CD81: variants seen among roughly 807,000 people sequenced by gnomAD.
CD81 encodes CD81 molecule.
Under a neutral mutation model 30.1 loss-of-function variants are expected in CD81, and 10 were observed. The observed-to-expected ratio is 0.33, with a 90% CI of 0.21 to 0.56. CD81 has a LOEUF of 0.56. Among genes scored for constraint, CD81 ranks in the 20% least tolerant of loss-of-function variants. The pLI is 0.89. For synonymous variants in CD81, 147 were observed against 126.4 expected, an observed-to-expected ratio of 1.16 and a Z score of -1.10; for missense variants, 263 against 308.7, an observed-to-expected ratio of 0.85 and a Z score of 1.11.
chr11:2,379,431 GT>G, intron 1 of CD81, among the ~76,000 whole-genome samples: 1 of 135,774 alleles, frequency 7.4e-6, no homozygotes, highest in African/African-American at 2.9e-5. Flanking sequence ...CTGAGGGAGA[GT>G]GTGGACCTGG....
intron 1 of CD81, among the ~76,000 whole-genome samples, chr11:2,387,072 G>C (rs1849811060): frequency 1.3e-5 from 2 of 152,260 alleles, no homozygotes; most frequent in Non-Finnish European, 1.5e-5. Context: ...TTTCTGTTAG[G>C]ACGGTATGCC....
At chr11:2,390,767 G>A (rs1285540873) in intron 2 of CD81, among the ~76,000 whole-genome samples, 7 of 152,182 alleles carry the variant, frequency 4.6e-5, no homozygotes, top group Admixed American at 2.0e-4. Context: ...CAGGGACTGT[G>A]TGGAGACCTT....
intron 3 of CD81, 28 bp downstream of exon 3, chr11:2,394,220 G>T: frequency 6.7e-7 from 1 of 1,483,496 alleles, no homozygotes; most frequent in Non-Finnish European, 9.4e-7. Flanking sequence ...GCCTGTGCCT[G>T]GGCCGGGGAG....
At chr11:2,396,586 G>T in intron 6 of CD81, 42 bp from the exon 7 acceptor site, 1 of 1,531,660 alleles carries the variant, frequency 6.5e-7, no homozygotes. Flanking sequence ...GCCGGGAGCC[G>T]AGGCCCGGTC....
In CD81 at chr11:2,394,983, C is replaced by T. The variant is rs776719514; in HGVS notation, c.291C>T (p.Cys97=). 5 of 1,612,800 alleles carry T rather than the reference C, an allele frequency of 3.1e-6. No homozygotes were observed. Among genetic ancestry groups the T allele is most frequent in the Non-Finnish European group, 3.4e-6 (4 of 1,179,984 alleles). ...SQCLLGTFFT[C]LVILFACEVA... is the part of the protein sequence containing the mutation. ...CTGCCCGGCTCCAGTTCTTCACCTG[C>T]CTGGTCATCCTGTTTGCCTGTGAGG... Residue 97 remains cysteine, a synonymous_variant, in exon 4 of 8, where the codon TGC becomes TGT. Transcript: ENST00000263645.
At chr11:2,384,970 A>C (rs2133447514) in intron 1 of CD81, among the ~76,000 whole-genome samples, 1 of 152,136 alleles carries the variant, frequency 6.6e-6, no homozygotes, top group African/African-American at 2.4e-5. Flanking sequence ...CTTTTAACTG[A>C]CATCGGGCTC....
chr11:2,393,668 C>T (rs1849943009), intron 2 of CD81: 1 of 570,334 alleles, frequency 1.8e-6, no homozygotes, highest in South Asian at 2.1e-5. Flanking sequence ...CAGTGGGGCC[C>T]ACCCTGTGCC....
rs566859282 is a variant in CD81 at position 2,396,928 on chromosome 11, G to A, written c.*62G>A. On this transcript the variant is annotated 3_prime_UTR_variant, in exon 8 of 8. Coordinates refer to ENST00000263645, the MANE Select transcript of CD81 (RefSeq NM_004356.4). ...CCCCCTAAGTGACCCGGACACTTCCGAGGGGGCCATCACCGCCTGTGTATA... is the reference window on the plus strand; with the variant it reads ...CCCCCTAAGTGACCCGGACACTTCCAAGGGGGCCATCACCGCCTGTGTATA... 3.2e-4 allele frequency: 472 copies of A among 1,477,420 alleles called. 3 individuals carry two copies. The South Asian group carries it at 4.4e-3, about 14-fold the overall frequency. The allele number at this position is 1,477,420 out of a possible 1,614,324, so 91.5% of individuals were successfully genotyped here. A position where few individuals can be genotyped will look rare whatever the true frequency, so the allele number is the denominator to read the frequency against.
Position 2,394,191 on chromosome 11 carries a change from C to T in CD81, c.278C>T (p.Thr93Met), listed in dbSNP as rs760727392. 14 of 1,604,750 alleles carry T rather than the reference C, an allele frequency of 8.7e-6. No individual in the cohort carries two copies. Among genetic ancestry groups the T allele is most frequent in the Admixed American group, 8.3e-5 (5 of 59,960 alleles). The change falls in exon 3 of 8, where the codon ACG becomes ATG. Residue 93 changes from threonine to methionine, a missense_variant and splice_region_variant. Thr to Met is a moderately conservative substitution (Grantham distance 81). Coordinates refer to ENST00000263645, the MANE Select transcript of CD81 (RefSeq NM_004356.4). The part of the protein sequence containing the change: ...AIQESQCLLG[T>M]FFTCLVILFA... ...CAGGAATCCCAGTGCCTGCTGGGGA[C>T]GGTAAGGCAGGGAGGCGGGCCTGTG...
In CD81 at chr11:2,390,622, G is replaced by T. The variant is rs1448249593; in HGVS notation, c.181+96G>T. 4.5e-6 allele frequency: 4 copies of T among 887,980 alleles called. No individual in the cohort carries two copies. In the African/African-American group the frequency reaches 6.6e-5, roughly 15 times the overall value. 55.0% of individuals were successfully genotyped at this position (887,980 alleles called of 1,614,324 possible). A position where few individuals can be genotyped will look rare whatever the true frequency, so the allele number is the denominator to read the frequency against. ...ATGGGGACATGGAGGGTGAAAGACA[G>T]TCGGGCATGGCGTGTCCGGGCAGGG... On this transcript the variant is annotated intron_variant, in intron 2 of 7. Coordinates refer to ENST00000263645, the MANE Select transcript of CD81 (RefSeq NM_004356.4).
rs1849639650 is a variant in CD81 at position 2,378,479 on chromosome 11, G to A, written c.66+864G>A. Among the ~76,000 whole-genome samples, 1 of 152,190 alleles carries A rather than the reference G, an allele frequency of 6.6e-6. No homozygotes were observed. The highest frequency in any genetic ancestry group is 1.9e-4 in the East Asian group (1 of 5,176). On this transcript the variant is annotated intron_variant, in intron 1 of 7. Transcript: ENST00000263645. The surrounding 1 kb of genome is among the most constrained non-coding windows in gnomAD (Gnocchi z 4.9). ...AGGGGCCCCCACGCTGGGCATCTTT[G>A]GGTGCCAGCGTGGGTGGAGGAGGGT...
chr11:2,388,665 C>T (rs570452156), intron 1 of CD81, among the ~76,000 whole-genome samples: 57 of 152,334 alleles, frequency 3.7e-4, no homozygotes, highest in African/African-American at 1.3e-3. Context: ...CCAAGCATTC[C>T]GACTCAGCTC....
chr11:2,377,635 C>G lies in CD81; in HGVS notation c.66+20C>G. 1 of 1,511,216 alleles carries G rather than the reference C, an allele frequency of 6.6e-7. No homozygotes were observed. Among genetic ancestry groups the G allele is most frequent in the Non-Finnish European group, 9.0e-7 (1 of 1,115,382 alleles). 93.6% of individuals were successfully genotyped at this position (1,511,216 alleles called of 1,614,324 possible). On this transcript the variant is annotated intron_variant, in intron 1 of 7. Transcript: ENST00000263645. This position sits in a 1 kb window ranked among gnomAD's most constrained non-coding sequence, Gnocchi z 7.7. ...TTCTGGGTAAGGGCTGCGCCGGGGGCCGGGGCGGGAGGGGGCAGGCACACA... is the reference window on the plus strand; with the variant it reads ...TTCTGGGTAAGGGCTGCGCCGGGGGGCGGGGCGGGAGGGGGCAGGCACACA...
At chr11:2,377,141 G>A (rs1054933859), upstream of CD81, among the ~76,000 whole-genome samples, 1 of 152,122 alleles carries the variant, frequency 6.6e-6, no homozygotes, top group African/African-American at 2.4e-5. The surrounding 1 kb of genome is among the most constrained non-coding windows in gnomAD (Gnocchi z 7.7). Flanking sequence ...TGAGGTCCTG[G>A]CCGAAACGCG....
chr11:2,394,065 G>T (rs1392218368), intron 2 of CD81, 30 bp from the exon 3 acceptor site: 1 of 1,546,936 alleles, frequency 6.5e-7, no homozygotes, highest in African/African-American at 1.4e-5. Flanking sequence ...GAGTGTGTAG[G>T]CACCCACCTG....
intron 1 of CD81, chr11:2,386,381 C>G (rs1849798156): frequency 4.7e-6 from 3 of 632,064 alleles, no homozygotes; most frequent in South Asian, 1.8e-5. Flanking sequence ...ACCTCTAGCC[C>G]TGCCACATGG....
upstream of CD81, chr11:2,377,285 G>A (rs1392029757): frequency 6.6e-6 from 1 of 151,840 alleles, no homozygotes; most frequent in Non-Finnish European, 1.5e-5. This position sits in a 1 kb window ranked among gnomAD's most constrained non-coding sequence, Gnocchi z 7.7. Flanking sequence ...CGCCCTATAA[G>A]TACTGCGGAG....
intron 1 of CD81, among the ~76,000 whole-genome samples, chr11:2,380,725 G>A (rs891806237): frequency 2.0e-5 from 3 of 152,112 alleles, no homozygotes; most frequent in Admixed American, 6.5e-5. Flanking sequence ...TTTGTGTCCC[G>A]GGACAGGGAA....
intron 3 of CD81, 152 bp from the exon 4 acceptor site, chr11:2,394,820 C>T (rs1849967183): frequency 1.3e-6 from 1 of 744,582 alleles, no homozygotes; most frequent in Admixed American, 1.9e-5. Context: ...TGCCCCAGGG[C>T]TCCACACAAG....
Sources: gnomAD v4.1 joint callset for allele counts (sites outside exome capture counted in the v4.1 genomes callset) on GRCh38, gnomAD v4.1.1 for gene constraint, Gnocchi (gnomAD v3.1) non-coding constraint, MANE v1.5 for transcripts, NCBI Gene and HGNC (gene_info 2026-07-23, HGNC 2026-07-21) for gene names.